REL: variants seen among roughly 807,000 people sequenced by gnomAD.
The protein encoded by REL is proto-oncogene c-Rel.
In REL, 15 loss-of-function variants were observed where a neutral mutation model predicts 45.9. The ratio of observed to expected loss-of-function variants is 0.33; its 90% CI spans 0.22 to 0.50. The LOEUF (loss-of-function observed/expected upper bound fraction) is 0.50, where lower values mean the gene tolerates loss of function less well. Among genes scored for constraint, REL ranks in the 20% least tolerant of loss-of-function variants. REL has a pLI of 0.98. For synonymous variants in REL, 239 were observed against 242.1 expected (o/e 0.99, Z 0.12); for missense variants, 601 against 715.2 (o/e 0.84, Z 1.82).
intron 4 of REL, among the ~76,000 whole-genome samples, chr2:60,910,336 G>C (rs900203046): frequency 2.0e-5 from 3 of 151,484 alleles, no homozygotes; most frequent in African/African-American, 7.3e-5. Flanking sequence ...ATGGTGGCGG[G>C]CGCCTGTAGT....
intron 2 of REL, among the ~76,000 whole-genome samples, chr2:60,892,048 T>A (rs1414580024): frequency 1.3e-5 from 2 of 152,130 alleles, no homozygotes; most frequent in African/African-American, 4.8e-5. Flanking sequence ...TGCAGATAGT[T>A]CTATGGTGCT....
intron 1 of REL, among the ~76,000 whole-genome samples, chr2:60,882,477 C>T (rs1672965855): frequency 6.6e-6 from 1 of 152,062 alleles, no homozygotes; most frequent in Non-Finnish European, 1.5e-5. Context: ...GAGTTTGAGA[C>T]CAGCCTGGCA....
intron 1 of REL, among the ~76,000 whole-genome samples, chr2:60,883,588 C>G (rs1375417729): frequency 6.6e-6 from 1 of 152,138 alleles, no homozygotes; most frequent in African/African-American, 2.4e-5. Flanking sequence ...AGTTCAGGCT[C>G]TTGGCGATTT....
intron 4 of REL, among the ~76,000 whole-genome samples, chr2:60,903,075 T>C (rs770431361): frequency 5.3e-5 from 8 of 152,336 alleles, no homozygotes; most frequent in Non-Finnish European, 8.8e-5. Flanking sequence ...GGCCAGACTT[T>C]TAAAGAGGCA....
intron 4 of REL, among the ~76,000 whole-genome samples, chr2:60,913,802 G>C (rs959972895): frequency 6.6e-6 from 1 of 151,974 alleles, no homozygotes; most frequent in Non-Finnish European, 1.5e-5. Flanking sequence ...TTCATATTTT[G>C]TCCACTTTAT....
chr2:60,882,273 C>A (rs1190498318), intron 1 of REL, among the ~76,000 whole-genome samples: 1 of 152,176 alleles, frequency 6.6e-6, no homozygotes, highest in Non-Finnish European at 1.5e-5. Flanking sequence ...AAGAGGTGAT[C>A]CCCCTTGTAC....
chr2:60,901,150 C>CTTTTTTTTTTTTTTTTTT, intron 4 of REL, 67 bp downstream of exon 4: 2 of 915,976 alleles, frequency 2.2e-6, no homozygotes, highest in Non-Finnish European at 2.7e-6. Flanking sequence ...TTTTCTTTCT[C>CTTTTTTTTTTTTTTTTTT]TTTTTTTTTT....
At chr2:60,899,069 T>A (rs1308735005) in intron 3 of REL, 1 of 152,170 alleles carries the variant, frequency 6.6e-6, no homozygotes. Flanking sequence ...TGTATTAATA[T>A]GAAGAATTCT....
In REL at chr2:60,920,618, G is replaced by A; in HGVS notation, c.967G>A (p.Gly323Arg). Residue 323 changes from glycine (G) to arginine (R), a missense_variant, in exon 9 of 10, where the codon GGA becomes AGA. Gly to Arg is a moderately radical substitution (Grantham distance 125). This residue lies in a region of REL where 334 missense variants were observed against 333.1 expected (regional missense o/e 1.00). Transcript: ENST00000394479. ...RPRPGLLGSI[G>R]EGRYFKKEPN... ...AAGACCTGGTCTCCTCGGTTCAATT[G>A]GAGAAGGAAGATACTTCAAAAAAGG... 1 of 1,602,506 alleles carries A rather than the reference G, an allele frequency of 6.2e-7. No homozygotes were observed. The highest frequency in any genetic ancestry group is 1.1e-5 in the South Asian group (1 of 90,674).
rs1674043651 is a variant in REL at position 60,918,441 on chromosome 2, A to G, written c.688A>G (p.Ile230Val). 11 of 1,613,808 alleles carry G rather than the reference A, an allele frequency of 6.8e-6. No individual in the cohort carries two copies. The highest frequency in any genetic ancestry group is 9.3e-6 in the Non-Finnish European group (11 of 1,179,990). ...FVLNDWEAKGIFSQADVHRQV... is the reference protein window; with the variant it reads ...FVLNDWEAKGVFSQADVHRQV... ...GTTGAACGATTGGGAAGCAAAAGGC[A>G]TCTTTTCACAAGCTGATGTACACCG... Residue 230 changes from isoleucine to valine, a missense_variant, in exon 7 of 10, where the codon ATC (isoleucine) becomes GTC (valine). This residue lies in a region of REL where 241 missense variants were observed against 347.0 expected (regional missense o/e 0.69). Coordinates refer to ENST00000394479, the MANE Select transcript of REL (RefSeq NM_001291746.2).
At chr2:60,882,665 A>T (rs1320946471) in intron 1 of REL, among the ~76,000 whole-genome samples, 1 of 151,610 alleles carries the variant, frequency 6.6e-6, no homozygotes, top group East Asian at 1.9e-4. Flanking sequence ...ACAGAGGGAG[A>T]CCCTGTCTCT....
chr2:60,905,634 G>T (rs545683450), intron 4 of REL, among the ~76,000 whole-genome samples: 3 of 152,238 alleles, frequency 2.0e-5, no homozygotes, highest in East Asian at 1.9e-4. Flanking sequence ...GTCTGCAGCA[G>T]CCCCAATTCT....
At chr2:60,903,083 G>A (rs564890929) in intron 4 of REL, among the ~76,000 whole-genome samples, 12 of 152,190 alleles carry the variant, frequency 7.9e-5, no homozygotes, top group Admixed American at 6.5e-4. Context: ...TTTTAAAGAG[G>A]CAGGTAAGTC....
At chr2:60,919,260 G>C (rs770570481) in intron 7 of REL, among the ~76,000 whole-genome samples, 19 of 151,774 alleles carry the variant, frequency 1.3e-4, no homozygotes, top group Non-Finnish European at 2.2e-4. Flanking sequence ...TTTGAGACAG[G>C]GTCTCACTCT....
rs1200700526 is a variant in REL at position 60,929,741 on chromosome 2, G to C, written c.*7206G>C. Reference sequence around the variant, plus strand: ...GCTAGATGACGAGTTAGTGGGTGCAGTGCACCAGCATGGCACATGTATACA... The same window carrying C: ...GCTAGATGACGAGTTAGTGGGTGCACTGCACCAGCATGGCACATGTATACA... On this transcript the variant is annotated 3_prime_UTR_variant, in exon 10 of 10. Coordinates refer to ENST00000394479, the MANE Select transcript of REL (RefSeq NM_001291746.2). 3 of 151,610 alleles carry C rather than the reference G, an allele frequency of 2.0e-5. No individual in the cohort carries two copies. Among genetic ancestry groups the C allele is most frequent in the Non-Finnish European group, 4.4e-5 (3 of 67,902 alleles). The allele number at this position is 151,610 out of a possible 1,614,324, so 9.4% of individuals were successfully genotyped here.
chr2:60,887,830 C>T (rs1189171939), intron 1 of REL, among the ~76,000 whole-genome samples: 1 of 151,356 alleles, frequency 6.6e-6, no homozygotes, highest in East Asian at 2.0e-4. Context: ...AATATTTAAT[C>T]TTTTCAACAA....
intron 3 of REL, among the ~76,000 whole-genome samples, chr2:60,896,536 A>G (rs986190927): frequency 2.6e-5 from 4 of 152,196 alleles, no homozygotes; most frequent in African/African-American, 7.2e-5. Flanking sequence ...TGGCAACAGA[A>G]AAGAGATTAA....
chr2:60,924,701 TC>T lies in REL; in HGVS notation c.*2168del, dbSNP rs1317724430. On this transcript the variant is annotated 3_prime_UTR_variant, in exon 10 of 10. Transcript: ENST00000394479. The stretch of plus-strand genomic sequence containing the variant: ...TGACATTGTCAAGCTCATTGCAACT[TC>T]CAGATTGAGTAACACTTATAACACA... 4.7e-6 allele frequency: 1 copy of T among 211,934 alleles called. No individual in the cohort carries two copies. The highest frequency in any genetic ancestry group is 9.6e-6 in the Non-Finnish European group (1 of 104,612). 13.1% of individuals were successfully genotyped at this position (211,934 alleles called of 1,614,324 possible).
intron 7 of REL, among the ~76,000 whole-genome samples, chr2:60,919,234 CTTG>C (rs1385692661): frequency 6.6e-6 from 1 of 151,912 alleles, no homozygotes; most frequent in Non-Finnish European, 1.5e-5. Context: ...TTTTAAACAG[CTTG>C]TTTTGGGTTT....
Sources: allele counts gnomAD v4.1 joint callset (sites outside exome capture counted in the v4.1 genomes callset), GRCh38; gene constraint gnomAD v4.1.1; regional missense constraint gnomAD v4.1.1; transcripts MANE v1.5; gene names NCBI Gene and HGNC (gene_info 2026-07-23, HGNC 2026-07-21).